Variants in RARB observed in about 807,000 individuals in gnomAD.
RARB encodes the protein retinoic acid receptor beta.
Under a neutral mutation model 51.9 loss-of-function variants are expected in RARB, and 17 were observed. The observed-to-expected ratio is 0.33, with a 90% CI of 0.22 to 0.49. The LOEUF is 0.49. Ranked by LOEUF, RARB falls within the 20% of genes least tolerant of loss-of-function variation. RARB has a pLI of 0.99. For synonymous variants in RARB, 215 were observed against 195.4 expected (o/e 1.10, Z -0.84); for missense variants, 369 against 550.8 (o/e 0.67, Z 3.30).
chr3:25,531,485 A>G (rs916156419), intron 3 of RARB, among the ~76,000 whole-genome samples: 2 of 152,072 alleles, frequency 1.3e-5, no homozygotes, highest in African/African-American at 4.8e-5. Context: ...GCGTGTGTAT[A>G]TCTCAAATTA....
chr3:25,488,338 A>C (rs1696566443), intron 2 of RARB, among the ~76,000 whole-genome samples: 1 of 152,226 alleles, frequency 6.6e-6, no homozygotes, highest in African/African-American at 2.4e-5. Flanking sequence ...GTCCTGTTTC[A>C]TCTAAGGAAA....
In RARB at chr3:25,072,773, A is replaced by C. The variant is rs1401397553; in HGVS notation, c.-328+12597A>C. 2.0e-5 allele frequency among the ~76,000 whole-genome samples: 3 copies of C among 151,634 alleles called. No individual in the cohort carries two copies. In the East Asian group the frequency reaches 5.8e-4, roughly 30 times the overall value. Reference sequence around the variant, plus strand: ...GCCCAGGCTGGAGTGCAGTGGCGCGATCTCGGCTCACTGCAAGCTCCGCCT... The same window carrying C: ...GCCCAGGCTGGAGTGCAGTGGCGCGCTCTCGGCTCACTGCAAGCTCCGCCT... On this transcript the variant is annotated intron_variant, in intron 3 of 11. Transcript: ENST00000383772.
chr3:25,208,579 C>A (rs1701617301), intron 5 of RARB, among the ~76,000 whole-genome samples: 1 of 152,142 alleles, frequency 6.6e-6, no homozygotes, highest in African/African-American at 2.4e-5. Flanking sequence ...AAATAGGATA[C>A]TGTTCCCTTC....
intron 3 of RARB, among the ~76,000 whole-genome samples, chr3:25,081,896 G>C (rs952137602): frequency 6.6e-6 from 1 of 151,566 alleles, no homozygotes; most frequent in African/African-American, 2.4e-5. Flanking sequence ...GCCTCCCAAA[G>C]TGCTGGGATT....
chr3:24,997,143 T>A (rs555276409), intron 2 of RARB, among the ~76,000 whole-genome samples: 1 of 69,396 alleles, frequency 1.4e-5, no homozygotes, highest in Non-Finnish European at 2.8e-5. Flanking sequence ...GGCTCCAGCA[T>A]TGGGTGCATA....
intron 2 of RARB, among the ~76,000 whole-genome samples, chr3:25,461,762 G>T (rs1435061678): frequency 6.6e-6 from 1 of 152,142 alleles, no homozygotes; most frequent in Admixed American, 6.5e-5. Flanking sequence ...GGCGTGAGTG[G>T]CTGGTACATC....
intron 5 of RARB, among the ~76,000 whole-genome samples, chr3:25,410,732 A>G (rs1393723063): frequency 3.3e-5 from 5 of 152,198 alleles, no homozygotes; most frequent in Non-Finnish European, 7.3e-5. Flanking sequence ...CTTTTTGTCC[A>G]GTGACGCCAT....
chr3:24,863,615 C>T (rs1200540218), intron 2 of RARB, among the ~76,000 whole-genome samples: 3 of 151,994 alleles, frequency 2.0e-5, no homozygotes, highest in African/African-American at 7.2e-5. Flanking sequence ...TCTTGTACGC[C>T]TGGCCTGTTC....
intron 5 of RARB, among the ~76,000 whole-genome samples, chr3:25,202,605 A>C (rs1384653577): frequency 2.0e-5 from 3 of 152,116 alleles, no homozygotes; most frequent in Non-Finnish European, 2.9e-5. Context: ...CACGGCTTTA[A>C]ATGTGTCCCA....
intron 3 of RARB, among the ~76,000 whole-genome samples, chr3:25,092,000 A>G (rs1043585971): frequency 2.0e-5 from 3 of 152,160 alleles, no homozygotes; most frequent in Non-Finnish European, 4.4e-5. Context: ...CAGTTGCAGC[A>G]CAATGTTCTT....
chr3:24,878,018 A>G (rs983002303), intron 2 of RARB, among the ~76,000 whole-genome samples: 1 of 152,206 alleles, frequency 6.6e-6, no homozygotes, highest in African/African-American at 2.4e-5. Context: ...AAGGGATAAT[A>G]AAAGTACTAC....
chr3:25,070,626 A>G (rs918883046), intron 3 of RARB, among the ~76,000 whole-genome samples: 1 of 152,230 alleles, frequency 6.6e-6, no homozygotes, highest in Non-Finnish European at 1.5e-5. Flanking sequence ...ATAGTAGCAA[A>G]CCATTTATAT....
intron 2 of RARB, among the ~76,000 whole-genome samples, chr3:25,470,625 T>G (rs975094980): frequency 2.0e-5 from 3 of 152,216 alleles, no homozygotes; most frequent in Admixed American, 2.0e-4. Flanking sequence ...CTATCCATTC[T>G]GTTAACATTT....
chr3:25,409,619 A>T (rs1426382089), intron 5 of RARB, among the ~76,000 whole-genome samples: 1 of 152,174 alleles, frequency 6.6e-6, no homozygotes, highest in East Asian at 1.9e-4. Flanking sequence ...ATTTTCTGAA[A>T]ATTTAAAAGC....
At chr3:25,002,797 C>A (rs1482914267) in intron 2 of RARB, among the ~76,000 whole-genome samples, 7 of 151,528 alleles carry the variant, frequency 4.6e-5, no homozygotes, top group South Asian at 2.1e-4. Flanking sequence ...AATATCTTAA[C>A]CTTTTAATTG....
intron 3 of RARB, among the ~76,000 whole-genome samples, chr3:25,120,456 A>G (rs1158719044): frequency 1.3e-5 from 2 of 151,924 alleles, no homozygotes; most frequent in African/African-American, 4.8e-5. Context: ...ATAAACTTTA[A>G]CCAGTTAAAT....
chr3:24,923,076 G>A (rs958788137), intron 2 of RARB, among the ~76,000 whole-genome samples: 6 of 152,226 alleles, frequency 3.9e-5, no homozygotes, highest in Admixed American at 1.3e-4. Flanking sequence ...ACAAACAATA[G>A]AAATATTCAG....
intron 2 of RARB, among the ~76,000 whole-genome samples, chr3:25,493,595 T>C (rs1424349103): frequency 6.6e-6 from 1 of 152,212 alleles, no homozygotes; most frequent in Admixed American, 6.5e-5. Context: ...AGTCTTTTAG[T>C]GAGTGAGGAA....
At chr3:25,110,782 A>G (rs923073008) in intron 3 of RARB, among the ~76,000 whole-genome samples, 3 of 152,320 alleles carry the variant, frequency 2.0e-5, no homozygotes, top group Non-Finnish European at 4.4e-5. Context: ...AGTGGTAAGA[A>G]TCTGTTCTTA....
Sources: gnomAD v4.1 joint callset for allele counts (sites outside exome capture counted in the v4.1 genomes callset) on GRCh38, gnomAD v4.1.1 for gene constraint, MANE v1.5 for transcripts, NCBI Gene and HGNC (gene_info 2026-07-23, HGNC 2026-07-21) for gene names.